MIPOL1: variants seen among roughly 807,000 people sequenced by gnomAD.
MIPOL1 encodes the protein mirror-image polydactyly gene 1 protein.
Under a neutral mutation model 60.9 loss-of-function variants are expected in MIPOL1, and 57 were observed. The observed-to-expected ratio is 0.94, with a 90% confidence interval of 0.76 to 1.17. MIPOL1 has a LOEUF of 1.17. Among genes scored for constraint, MIPOL1 ranks in the 50% most tolerant of loss-of-function variants. The pLI, the probability that MIPOL1 is intolerant of heterozygous loss-of-function variation, is 0.00. For synonymous variants in MIPOL1, 179 were observed against 168.8 expected (o/e 1.06, Z -0.47); for missense variants, 551 against 511.6 (o/e 1.08, Z -0.74).
chr14:37,509,020 G>C (rs1046087364), intron 12 of MIPOL1, among the ~76,000 whole-genome samples: 1 of 151,288 alleles, frequency 6.6e-6, no homozygotes, highest in Non-Finnish European at 1.5e-5. Flanking sequence ...CATTTCTTTC[G>C]GGGATTACAT....
intron 11 of MIPOL1, among the ~76,000 whole-genome samples, chr14:37,442,548 T>C (rs2094266732): frequency 6.6e-6 from 1 of 152,108 alleles, no homozygotes; most frequent in South Asian, 2.1e-4. Flanking sequence ...GTTCCTTTGA[T>C]GCCTAGTTTG....
intron 6 of MIPOL1, among the ~76,000 whole-genome samples, chr14:37,271,403 C>G (rs2083292711): frequency 6.6e-6 from 1 of 151,868 alleles, no homozygotes; most frequent in Admixed American, 6.6e-5. Flanking sequence ...TTACAAGTCA[C>G]TTAATGGGAT....
At chr14:37,375,562 T>C (rs1229118529) in intron 10 of MIPOL1, among the ~76,000 whole-genome samples, 1 of 152,186 alleles carries the variant, frequency 6.6e-6, no homozygotes, top group Non-Finnish European at 1.5e-5. Flanking sequence ...GTAATTCCAT[T>C]GAAAGTGAAT....
At chr14:37,491,520 C>T (rs945967049) in intron 11 of MIPOL1, among the ~76,000 whole-genome samples, 6 of 152,106 alleles carry the variant, frequency 3.9e-5, no homozygotes, top group African/African-American at 1.4e-4. Flanking sequence ...AAGAGCAAGA[C>T]TCTGTCTCAA....
At chr14:37,360,752 T>C (rs987269095) in intron 9 of MIPOL1, among the ~76,000 whole-genome samples, 15 of 152,206 alleles carry the variant, frequency 9.9e-5, no homozygotes, top group Non-Finnish European at 2.1e-4. Context: ...ATTTTGTTGA[T>C]CTTTTCAAAA....
At chr14:37,339,082 A>G (rs1477277501) in intron 9 of MIPOL1, among the ~76,000 whole-genome samples, 3 of 152,270 alleles carry the variant, frequency 2.0e-5, no homozygotes, top group Non-Finnish European at 4.4e-5. Context: ...ATTCATTTAT[A>G]AAACAGTGGA....
chr14:37,244,940 T>C (rs1185497355), intron 1 of MIPOL1, among the ~76,000 whole-genome samples: 1 of 152,204 alleles, frequency 6.6e-6, no homozygotes, highest in Non-Finnish European at 1.5e-5. Flanking sequence ...TTAAAACATC[T>C]AATTTTTGCT....
intron 1 of MIPOL1, among the ~76,000 whole-genome samples, chr14:37,205,746 G>T (rs1965979165): frequency 6.6e-6 from 1 of 152,084 alleles, no homozygotes; most frequent in East Asian, 1.9e-4. Context: ...GTGATAGTTT[G>T]CTCAGAATGA....
At chr14:37,455,887 T>A (rs2094471697) in intron 11 of MIPOL1, among the ~76,000 whole-genome samples, 1 of 152,126 alleles carries the variant, frequency 6.6e-6, no homozygotes, top group Admixed American at 6.5e-5. Flanking sequence ...CATTGTGATG[T>A]CAATAATCTC....
At chr14:37,530,717 C>T (rs1210167207) in intron 12 of MIPOL1, among the ~76,000 whole-genome samples, 1 of 152,122 alleles carries the variant, frequency 6.6e-6, no homozygotes, top group Non-Finnish European at 1.5e-5. Context: ...CAGCAGATCA[C>T]TTTCTGAAGT....
At chr14:37,434,901 T>TTGATCAAA (rs1199321011) in intron 11 of MIPOL1, among the ~76,000 whole-genome samples, 1 of 151,852 alleles carries the variant, frequency 6.6e-6, no homozygotes, top group African/African-American at 2.4e-5. Context: ...AGATTGCTGT[T>TTGATCAAA]TGATCAAATA....
At chr14:37,388,532 A>G (rs1477350059) in intron 10 of MIPOL1, among the ~76,000 whole-genome samples, 1 of 150,474 alleles carries the variant, frequency 6.6e-6, no homozygotes, top group Non-Finnish European at 1.5e-5. Flanking sequence ...GTTGACAGTA[A>G]ATTTCATCCA....
At chr14:37,515,032 A>T (rs1385507316) in intron 12 of MIPOL1, among the ~76,000 whole-genome samples, 1 of 152,152 alleles carries the variant, frequency 6.6e-6, no homozygotes, top group African/African-American at 2.4e-5. Context: ...GGATTTGCCG[A>T]TGTCCATATT....
chr14:37,403,483 A>G (rs2093529780), intron 10 of MIPOL1, among the ~76,000 whole-genome samples: 1 of 121,102 alleles, frequency 8.3e-6, no homozygotes, highest in South Asian at 2.7e-4. Flanking sequence ...GCTGTCTTGC[A>G]GAGTCTGGTT....
At chr14:37,466,130 T>A (rs2094595823) in intron 11 of MIPOL1, among the ~76,000 whole-genome samples, 1 of 152,148 alleles carries the variant, frequency 6.6e-6, no homozygotes, top group Non-Finnish European at 1.5e-5. Flanking sequence ...TTTATAACAT[T>A]TCCTTATGAC....
chr14:37,377,193 G>A (rs1446131375), intron 10 of MIPOL1, among the ~76,000 whole-genome samples: 1 of 152,094 alleles, frequency 6.6e-6, no homozygotes, highest in Non-Finnish European at 1.5e-5. Context: ...TCCTTTGCAT[G>A]ACTCTGCTAT....
chr14:37,256,297 A>C (rs1223840661), intron 3 of MIPOL1, among the ~76,000 whole-genome samples: 2 of 151,904 alleles, frequency 1.3e-5, no homozygotes, highest in Non-Finnish European at 2.9e-5. Flanking sequence ...TTTTGGAAGA[A>C]AGAAATATGA....
chr14:37,235,722 AC>A (rs533540081), intron 1 of MIPOL1, among the ~76,000 whole-genome samples: 2 of 152,074 alleles, frequency 1.3e-5, no homozygotes, highest in African/African-American at 2.4e-5. Context: ...GAAACTCTGT[AC>A]CCATTAAGCA....
intron 11 of MIPOL1, among the ~76,000 whole-genome samples, chr14:37,479,258 A>G (rs1370231245): frequency 1.3e-5 from 2 of 152,166 alleles, no homozygotes; most frequent in Non-Finnish European, 2.9e-5. Context: ...CTTCTCAAGC[A>G]CACATGGAAC....
Sources: allele counts gnomAD v4.1 joint callset (sites outside exome capture counted in the v4.1 genomes callset), GRCh38; gene constraint gnomAD v4.1.1; transcripts MANE v1.5; gene names NCBI Gene and HGNC (gene_info 2026-07-23, HGNC 2026-07-21).